SMIM28: variants seen among roughly 807,000 people sequenced by gnomAD.
SMIM28 encodes small integral membrane protein 28.
intron 1 of SMIM28, among the ~76,000 whole-genome samples, chr6:138,381,159 G>C (rs1774308455): frequency 6.6e-6 from 1 of 152,088 alleles, no homozygotes; most frequent in Non-Finnish European, 1.5e-5. Context: ...TCCCACCTCA[G>C]CCTCCCGAAG....
rs1183302970 is a variant in SMIM28, at chr6:138,383,140, G to A, written c.*293G>A. On this transcript the variant is annotated 3_prime_UTR_variant, in exon 2 of 2. Transcript: ENST00000573100. ...ATGTATAACACTCCTGAGAAAAAAAGGAAAGTTCTATGTGAGTTGAAAAAA... is the reference window on the plus strand; with the variant it reads ...ATGTATAACACTCCTGAGAAAAAAAAGAAAGTTCTATGTGAGTTGAAAAAA... 4.5e-5 allele frequency: 10 copies of A among 223,170 alleles called. No homozygotes were observed. The highest frequency in any genetic ancestry group is 7.8e-5 in the Non-Finnish European group (9 of 115,948). 13.8% of individuals were successfully genotyped at this position (223,170 alleles called of 1,614,324 possible).
chr6:138,382,822 C>G lies in SMIM28; in HGVS notation c.434C>G (p.Ala145Gly), dbSNP rs1562233093. ...ACCAGAAATCCTCCTGGGGAGGAGG[C>G]CCAGGGATGCAGTCCTTCAGTATGA... ...EATRNPPGEE[A>G]QGCSPSV is the part of the protein sequence containing the mutation. Residue 145 changes from alanine to glycine, a missense_variant, in exon 2 of 2, where the codon GCC (alanine) becomes GGC (glycine). Ala to Gly is a moderately conservative substitution (Grantham distance 60). Coordinates refer to ENST00000573100, the MANE Select transcript of SMIM28 (RefSeq NM_001368163.3). 5.0e-6 allele frequency: 2 copies of G among 398,526 alleles called. No homozygotes were observed. Among genetic ancestry groups the G allele is most frequent in the Non-Finnish European group, 8.8e-6 (2 of 226,126 alleles). 24.7% of individuals were successfully genotyped at this position (398,526 alleles called of 1,614,324 possible).
chr6:138,381,181 C>T (rs1275628604), intron 1 of SMIM28, among the ~76,000 whole-genome samples: 1 of 152,146 alleles, frequency 6.6e-6, no homozygotes, highest in East Asian at 1.9e-4. Flanking sequence ...CCTGGGATTA[C>T]AGGCATGAGC....
Position 138,383,074 on chromosome 6 carries a change from A to G in SMIM28, c.*227A>G. 2.8e-6 allele frequency: 1 copy of G among 352,050 alleles called. No individual in the cohort carries two copies. The highest frequency in any genetic ancestry group is 5.1e-6 in the Non-Finnish European group (1 of 197,182). The allele number at this position is 352,050 out of a possible 1,614,324, so 21.8% of individuals were successfully genotyped here. A position where few individuals can be genotyped will look rare whatever the true frequency, so the allele number is the denominator to read the frequency against. ...CCTATCTTCACATTCCTTAGGGGAA[A>G]GTTTCCCAGGTTCTTCTAAAGATGA... On this transcript the variant is annotated 3_prime_UTR_variant, in exon 2 of 2. Coordinates refer to ENST00000573100, the MANE Select transcript of SMIM28 (RefSeq NM_001368163.3).
At chr6:138,380,715 C>T (rs1000850396) in intron 1 of SMIM28, among the ~76,000 whole-genome samples, 2 of 151,708 alleles carry the variant, frequency 1.3e-5, no homozygotes, top group African/African-American at 4.9e-5. Flanking sequence ...TGCAGTGAGC[C>T]GAGATCGCAC....
chr6:138,382,396 CAAA>C (rs59155652), intron 1 of SMIM28, 101 bp from the exon 2 acceptor site: 29,665 of 144,478 alleles, frequency 0.21, 1,994 homozygotes, highest in African/African-American at 0.47. Flanking sequence ...GACTGTGTCT[CAAA>C]AAAAAAAAAA....
rs1562233259 is a variant in SMIM28 at position 138,383,406 on chromosome 6, G to T, written c.*559G>T. ...GGATAGTTGTGTTGTAAATAATGGT[G>T]AAATATATTACAATATTAGCAATGA... On this transcript the variant is annotated 3_prime_UTR_variant, in exon 2 of 2. Coordinates refer to ENST00000573100, the MANE Select transcript of SMIM28 (RefSeq NM_001368163.3). Among the ~76,000 whole-genome samples the T allele has an allele frequency of 1.3e-5, 2 of 152,160 alleles. No individual in the cohort carries two copies. Among genetic ancestry groups the T allele is most frequent in the African/African-American group, 4.8e-5 (2 of 41,430 alleles).
chr6:138,382,380 G>A (rs1270023621), intron 1 of SMIM28, 120 bp from the exon 2 acceptor site: 7 of 362,586 alleles, frequency 1.9e-5, no homozygotes, highest in Non-Finnish European at 2.3e-5. Flanking sequence ...CTGGGTGACG[G>A]AGCAAGACTG....
intron 1 of SMIM28, among the ~76,000 whole-genome samples, chr6:138,381,831 C>T (rs1316607129): frequency 6.6e-6 from 1 of 152,106 alleles, no homozygotes; most frequent in Non-Finnish European, 1.5e-5. Context: ...AAAATAAGTA[C>T]ATAAATAGTA....
Position 138,383,175 on chromosome 6 carries a change from C to G in SMIM28, c.*328C>G, listed in dbSNP as rs191714360. The G allele has an allele frequency of 9.2e-4, 162 of 176,924 alleles. 1 individual carries two copies. Among genetic ancestry groups the G allele is most frequent in the African/African-American group, 3.3e-3 (139 of 42,214 alleles). The allele number at this position is 176,924 out of a possible 1,614,324, so 11.0% of individuals were successfully genotyped here. ...ATGTGAGTTGAAAAAAAAAAAAACA[C>G]TTAATTACTAATGAGCACAGGAACA... On this transcript the variant is annotated 3_prime_UTR_variant, in exon 2 of 2. Coordinates refer to ENST00000573100, the MANE Select transcript of SMIM28 (RefSeq NM_001368163.3).
intron 1 of SMIM28, among the ~76,000 whole-genome samples, chr6:138,379,448 T>G (rs1446179266): frequency 6.6e-6 from 1 of 152,222 alleles, no homozygotes; most frequent in Non-Finnish European, 1.5e-5. Context: ...TATCTGTATA[T>G]TCTATGCATA....
chr6:138,380,088 A>G lies in SMIM28; in HGVS notation c.111+1905A>G, dbSNP rs72988937. On this transcript the variant is annotated intron_variant, in intron 1 of 1. Transcript: ENST00000573100. ...GCTCGAGTCACTGAGATATAAATAT[A>G]TAAGTACTATCACCAAGTGCTTTAC... is the stretch of plus-strand genomic sequence containing the variant. Among the ~76,000 whole-genome samples the G allele has an allele frequency of 8.8e-3, 1,344 of 152,338 alleles. 9 individuals are homozygous for G. The highest frequency in any genetic ancestry group is 0.014 in the Non-Finnish European group (953 of 68,028).
In SMIM28 at chr6:138,377,937, C is replaced by T; in HGVS notation, c.-136C>T. The T allele has an allele frequency of 5.1e-6, 2 of 395,972 alleles. No homozygotes were observed. Among genetic ancestry groups the T allele is most frequent in the East Asian group, 7.2e-5 (2 of 27,968 alleles). The allele number at this position is 395,972 out of a possible 1,614,324, so 24.5% of individuals were successfully genotyped here. On this transcript the variant is annotated 5_prime_UTR_variant, in exon 1 of 2. Coordinates refer to ENST00000573100, the MANE Select transcript of SMIM28 (RefSeq NM_001368163.3). ...CTGGTTGGTTTCTTTCCCCTGTTGC[C>T]ATTCATCAGAGGACGAGTTTACCAA...
chr6:138,378,368 G>A (rs1216369293), intron 1 of SMIM28, among the ~76,000 whole-genome samples, 185 bp downstream of exon 1: 1 of 152,086 alleles, frequency 6.6e-6, no homozygotes, highest in African/African-American at 2.4e-5. Context: ...GCATTTTTTG[G>A]ACAAGGATAC....
chr6:138,383,418 A>C lies in SMIM28; in HGVS notation c.*571A>C, dbSNP rs559834374. On this transcript the variant is annotated 3_prime_UTR_variant, in exon 2 of 2. Transcript: ENST00000573100. ...TGTAAATAATGGTGAAATATATTAC[A>C]ATATTAGCAATGAAAGTATAGATAT... Among the ~76,000 whole-genome samples the C allele has an allele frequency of 2.0e-5, 3 of 152,392 alleles. No homozygotes were observed. Among genetic ancestry groups the C allele is most frequent in the Non-Finnish European group, 4.4e-5 (3 of 68,046 alleles).
chr6:138,382,298 G>A (rs1012700217), intron 1 of SMIM28, among the ~76,000 whole-genome samples: 1 of 151,182 alleles, frequency 6.6e-6, no homozygotes, highest in Non-Finnish European at 1.5e-5. Context: ...TCGGGAGGCT[G>A]AGGCAGGAGA....
chr6:138,382,214 T>C (rs1209890342), intron 1 of SMIM28, among the ~76,000 whole-genome samples: 2 of 151,782 alleles, frequency 1.3e-5, no homozygotes, highest in Non-Finnish European at 2.9e-5. Context: ...CTGGCCAACA[T>C]GATGAAACCC....
Position 138,378,058 on chromosome 6 carries a change from C to T in SMIM28, c.-15C>T. Reference sequence around the variant, plus strand: ...CAAGGTGGAAGGGTGGCCAGGGCATCAGCTGGATGAAAACATGCGGGGACT... The same window carrying T: ...CAAGGTGGAAGGGTGGCCAGGGCATTAGCTGGATGAAAACATGCGGGGACT... On this transcript the variant is annotated 5_prime_UTR_variant, in exon 1 of 2. Coordinates refer to ENST00000573100, the MANE Select transcript of SMIM28 (RefSeq NM_001368163.3). 1 of 398,872 alleles carries T rather than the reference C, an allele frequency of 2.5e-6. No homozygotes were observed. The highest frequency in any genetic ancestry group is 4.4e-6 in the Non-Finnish European group (1 of 226,258). The allele number at this position is 398,872 out of a possible 1,614,324, so 24.7% of individuals were successfully genotyped here. A position where few individuals can be genotyped will look rare whatever the true frequency, so the allele number is the denominator to read the frequency against.
In SMIM28 at chr6:138,382,743, C is replaced by A; in HGVS notation, c.355C>A (p.Pro119Thr). Residue 119 changes from proline to threonine, a missense_variant, in exon 2 of 2, where the codon CCC (proline) becomes ACC (threonine). Pro to Thr is a conservative substitution (Grantham distance 38). Coordinates refer to ENST00000573100, the MANE Select transcript of SMIM28 (RefSeq NM_001368163.3). ...TGAGGACTTCCCCTACTCCCCACTG[C>A]CCCCGGAGGCCACTCTCCCCTCCCA... ...SSEDFPYSPL[P>T]PEATLPSQCL... 1 of 398,664 alleles carries A rather than the reference C, an allele frequency of 2.5e-6. No homozygotes were observed. The highest frequency in any genetic ancestry group is 4.4e-6 in the Non-Finnish European group (1 of 226,134). The allele number at this position is 398,664 out of a possible 1,614,324, so 24.7% of individuals were successfully genotyped here.
Sources: allele counts gnomAD v4.1 joint callset (sites outside exome capture counted in the v4.1 genomes callset), GRCh38; gene constraint gnomAD v4.1.1; transcripts MANE v1.5; gene names NCBI Gene and HGNC (gene_info 2026-07-23, HGNC 2026-07-21).